The following ARHGEF28 variants were observed in gnomAD, a reference collection of about 807,000 sequenced individuals.
The protein encoded by ARHGEF28 is 190 kDa guanine nucleotide exchange factor.
In ARHGEF28, 152 loss-of-function variants were observed where a neutral mutation model predicts 206.6. The ratio of observed to expected loss-of-function variants is 0.74; its 90% CI spans 0.64 to 0.84. The LOEUF is 0.84. Among genes scored for constraint, ARHGEF28 ranks in the 40% least tolerant of loss-of-function variants. The pLI is 0.00. For missense variants in ARHGEF28, 2,028 were observed against 2,073.2 expected, an observed-to-expected ratio of 0.98 and a Z score of 0.42; for synonymous variants, 763 against 776.4, an observed-to-expected ratio of 0.98 and a Z score of 0.29.
intron 35 of ARHGEF28, among the ~76,000 whole-genome samples, chr5:73,921,287 C>T (rs1466395834): frequency 6.6e-6 from 1 of 152,206 alleles, no homozygotes; most frequent in Non-Finnish European, 1.5e-5. Flanking sequence ...CTGAAACATA[C>T]TTGTGTTCTT....
At chr5:73,639,301 A>G (rs1303332902) in intron 1 of ARHGEF28, among the ~76,000 whole-genome samples, 1 of 150,342 alleles carries the variant, frequency 6.7e-6, no homozygotes, top group Non-Finnish European at 1.5e-5. Context: ...AATAAAACAA[A>G]TTAGAAATCA....
At chr5:73,671,070 A>G (rs1351146210) in intron 1 of ARHGEF28, among the ~76,000 whole-genome samples, 2 of 152,218 alleles carry the variant, frequency 1.3e-5, no homozygotes, top group Non-Finnish European at 2.9e-5. Flanking sequence ...ATACATGCAC[A>G]GAATAATTTG....
At chr5:73,896,528 G>A (rs1761970711) in intron 29 of ARHGEF28, among the ~76,000 whole-genome samples, 1 of 152,198 alleles carries the variant, frequency 6.6e-6, no homozygotes, top group Non-Finnish European at 1.5e-5. Flanking sequence ...GAATGGACAA[G>A]AGATTAGGAG....
At chr5:73,853,757 C>T (rs1758847382) in intron 14 of ARHGEF28, among the ~76,000 whole-genome samples, 1 of 152,108 alleles carries the variant, frequency 6.6e-6, no homozygotes, top group African/African-American at 2.4e-5. Flanking sequence ...CTCATTTAAG[C>T]AATTTACTTC....
At chr5:73,667,560 G>A (rs189563037) in intron 1 of ARHGEF28, among the ~76,000 whole-genome samples, 1 of 152,294 alleles carries the variant, frequency 6.6e-6, no homozygotes, top group East Asian at 1.9e-4. Flanking sequence ...CCATCATCTT[G>A]ATGAATAGAC....
At chr5:73,892,930 G>A (rs1761733996) in intron 27 of ARHGEF28, among the ~76,000 whole-genome samples, 1 of 152,046 alleles carries the variant, frequency 6.6e-6, no homozygotes, top group African/African-American at 2.4e-5. Context: ...TCCCATTATG[G>A]GTGTGTGTGG....
At chr5:73,868,569 A>G (rs1759861948) in intron 20 of ARHGEF28, among the ~76,000 whole-genome samples, 1 of 152,220 alleles carries the variant, frequency 6.6e-6, no homozygotes, top group South Asian at 2.1e-4. Flanking sequence ...TCCTATATCA[A>G]AAACATACTT....
chr5:73,789,164 C>T (rs924530675), intron 7 of ARHGEF28, among the ~76,000 whole-genome samples: 2 of 152,106 alleles, frequency 1.3e-5, no homozygotes, highest in Non-Finnish European at 2.9e-5. Context: ...AAGTAGATAC[C>T]TCCTATCTAT....
chr5:73,679,859 G>A (rs1163839731), intron 1 of ARHGEF28, among the ~76,000 whole-genome samples: 2 of 152,138 alleles, frequency 1.3e-5, no homozygotes, highest in African/African-American at 4.8e-5. Flanking sequence ...ACGTCTCAAT[G>A]TAGTATAGAT....
intron 35 of ARHGEF28, among the ~76,000 whole-genome samples, chr5:73,918,955 G>A (rs554367455): frequency 7.2e-5 from 11 of 152,282 alleles, no homozygotes; most frequent in East Asian, 3.9e-4. Context: ...CCAGCCTGAC[G>A]CATGTCCCCG....
intron 30 of ARHGEF28, 78 bp from the exon 31 acceptor site, chr5:73,901,106 C>A: frequency 9.1e-7 from 1 of 1,097,470 alleles, no homozygotes; most frequent in Non-Finnish European, 1.4e-6. Context: ...ATGTGTTGGC[C>A]GTGTACAGAA....
intron 2 of ARHGEF28, among the ~76,000 whole-genome samples, chr5:73,698,860 G>A (rs1748388368): frequency 1.3e-5 from 2 of 151,794 alleles, no homozygotes; most frequent in Admixed American, 6.6e-5. Context: ...TGGTCTGAGA[G>A]AGGGTGCCTG....
In ARHGEF28 at chr5:73,909,528, G is replaced by C. The variant is rs1270434889; in HGVS notation, c.4278G>C (p.Lys1426Asn). 2 of 1,598,534 alleles carry C rather than the reference G, an allele frequency of 1.3e-6. No individual in the cohort carries two copies. Among genetic ancestry groups the C allele is most frequent in the East Asian group, 4.5e-5 (2 of 44,206 alleles). Residue 1426 changes from lysine (K) to asparagine (N), a missense_variant, in exon 34 of 36, where the codon AAG (lysine) becomes AAC (asparagine). By Grantham distance (94) the Lys-to-Asn change is moderately conservative. Around this residue, in one of 3 missense-constraint regions of ARHGEF28, gnomAD observed 803 missense variants for 768.0 expected, o/e 1.05. Coordinates refer to ENST00000513042, the MANE Select transcript of ARHGEF28 (RefSeq NM_001177693.2). ...ILRGGPLQDQ[K>N]SRDADRQHEE... Reference sequence around the variant, plus strand: ...GAGGCGGCCCCTTGCAGGACCAGAAGTCTCGCGACGCGGACAGGCAGCATG... The same window carrying C: ...GAGGCGGCCCCTTGCAGGACCAGAACTCTCGCGACGCGGACAGGCAGCATG...
At chr5:73,730,974 A>G (rs1276957962) in intron 2 of ARHGEF28, among the ~76,000 whole-genome samples, 2 of 150,340 alleles carry the variant, frequency 1.3e-5, no homozygotes, top group Non-Finnish European at 1.5e-5. Flanking sequence ...TGATCAGATG[A>G]AATTCTTTAA....
chr5:73,936,440 C>A (rs750404532), intron 35 of ARHGEF28, among the ~76,000 whole-genome samples: 17 of 152,156 alleles, frequency 1.1e-4, no homozygotes, highest in Admixed American at 9.2e-4. Context: ...TTCATACCTG[C>A]GTCAGATAAT....
chr5:73,829,609 T>C (rs1757164943), intron 9 of ARHGEF28, among the ~76,000 whole-genome samples: 3 of 152,082 alleles, frequency 2.0e-5, no homozygotes, highest in Admixed American at 6.5e-5. Flanking sequence ...CTCGATCTCC[T>C]GACCTTGTGA....
intron 1 of ARHGEF28, among the ~76,000 whole-genome samples, chr5:73,651,654 A>C (rs1043794489): frequency 6.6e-6 from 1 of 152,092 alleles, no homozygotes; most frequent in African/African-American, 2.4e-5. Context: ...TTTATTTTTC[A>C]CTTTTTACAT....
At chr5:73,741,928 C>G (rs1751457470) in intron 2 of ARHGEF28, among the ~76,000 whole-genome samples, 1 of 152,096 alleles carries the variant, frequency 6.6e-6, no homozygotes, top group Non-Finnish European at 1.5e-5. Context: ...AAGTTTCCCA[C>G]TGTGATTGTG....
intron 2 of ARHGEF28, among the ~76,000 whole-genome samples, chr5:73,744,581 T>C (rs1314329350): frequency 6.6e-6 from 1 of 152,036 alleles, no homozygotes; most frequent in African/African-American, 2.4e-5. Context: ...GTTTCAAATA[T>C]TGAATACAAA....
Sources: allele counts gnomAD v4.1 joint callset (sites outside exome capture counted in the v4.1 genomes callset), GRCh38; gene constraint gnomAD v4.1.1; regional missense constraint gnomAD v4.1.1; transcripts MANE v1.5; gene names NCBI Gene and HGNC (gene_info 2026-07-23, HGNC 2026-07-21).